Variants in CERS6 observed in about 807,000 individuals in gnomAD.
The protein encoded by CERS6 is LAG1 homolog, ceramide synthase 6.
Under a neutral mutation model 56.8 loss-of-function variants are expected in CERS6, and 26 were observed. That is an observed-to-expected ratio of 0.46 (90% CI 0.34 to 0.63). CERS6 has a LOEUF of 0.63. CERS6 is among the 30% of genes least tolerant of loss of function. The probability of loss-of-function intolerance (pLI) is 0.01; values close to 1 mark genes in which losing one functional copy is unlikely to be tolerated. For missense variants in CERS6, 415 were observed against 467.5 expected (o/e 0.89, Z 1.04); for synonymous variants, 164 against 173.3 (o/e 0.95, Z 0.42).
In CERS6 at chr2:168,545,756, G is replaced by A. The variant is rs1414667490; in HGVS notation, c.171-1840G>A. ...GGCATTGTCACAGGGCATACAAAGA[G>A]GAAATGATCAGCTTCTGCATTGAGA... On this transcript the variant is annotated intron_variant, in intron 1 of 9. Coordinates refer to ENST00000305747, the MANE Select transcript of CERS6 (RefSeq NM_203463.3). Among the ~76,000 whole-genome samples, 3 of 152,184 alleles carry A rather than the reference G, an allele frequency of 2.0e-5. No individual in the cohort carries two copies. The East Asian group carries it at 5.8e-4, about 29-fold the overall frequency.
At chr2:168,743,521 G>A (rs1460681565) in intron 8 of CERS6, among the ~76,000 whole-genome samples, 1 of 148,208 alleles carries the variant, frequency 6.7e-6, no homozygotes, top group Non-Finnish European at 1.5e-5. Context: ...TGTAGTCCCA[G>A]CTACTTGGGA....
At chr2:168,715,188 C>T (rs1687197857) in intron 7 of CERS6, 59 bp downstream of exon 7, 15 of 1,476,896 alleles carry the variant, frequency 1.0e-5, no homozygotes, top group Non-Finnish European at 1.3e-5. Flanking sequence ...AGTCCCCAAT[C>T]TCATTAGCTC....
intron 2 of CERS6, among the ~76,000 whole-genome samples, chr2:168,549,192 G>GT (rs1476375764): frequency 6.6e-6 from 1 of 151,010 alleles, no homozygotes; most frequent in Non-Finnish European, 1.5e-5. Flanking sequence ...TTTTAATTTT[G>GT]TTTTTTGTTT....
intron 4 of CERS6, among the ~76,000 whole-genome samples, chr2:168,668,031 A>G: frequency 6.6e-6 from 1 of 152,190 alleles, no homozygotes; most frequent in Non-Finnish European, 1.5e-5. Flanking sequence ...GGCAGATCGT[A>G]AGTTGTAAAT....
chr2:168,754,421 T>G (rs1405127447), intron 8 of CERS6, among the ~76,000 whole-genome samples: 1 of 152,212 alleles, frequency 6.6e-6, no homozygotes, highest in African/African-American at 2.4e-5. Context: ...ATACATTGCT[T>G]TAGGAAAACT....
chr2:168,659,358 C>T lies in CERS6; in HGVS notation c.465+28316C>T, dbSNP rs1042976537. On this transcript the variant is annotated intron_variant, in intron 4 of 9. Coordinates refer to ENST00000305747, the MANE Select transcript of CERS6 (RefSeq NM_203463.3). ...CCTTTTCTCTCCCTCACACGATTTC[C>T]TACCCCTAGATTTTTCTCTCTAGAA... Among the ~76,000 whole-genome samples, 48 of 152,290 alleles carry T rather than the reference C, an allele frequency of 3.2e-4. 1 individual carries two copies. Among genetic ancestry groups the T allele is most frequent in the African/African-American group, 1.1e-3 (44 of 41,556 alleles).
chr2:168,457,433 C>T (rs1324196617), intron 1 of CERS6, among the ~76,000 whole-genome samples: 18 of 152,164 alleles, frequency 1.2e-4, no homozygotes, highest in Admixed American at 1.2e-3. Flanking sequence ...CATTGTGTCA[C>T]ATACAAACTT....
At chr2:168,634,180 A>T (rs1287557995) in intron 4 of CERS6, among the ~76,000 whole-genome samples, 1 of 152,240 alleles carries the variant, frequency 6.6e-6, no homozygotes, top group African/African-American at 2.4e-5. Context: ...GGAAATATTT[A>T]AGCAGTTGAA....
chr2:168,515,325 G>A lies in CERS6; in HGVS notation c.171-32271G>A, dbSNP rs13401665. ...AAATTAATCCCCTATGTCCAAGCCC[G>A]GCATGTAAATTAAGAAAGTAACTTT... On this transcript the variant is annotated intron_variant, in intron 1 of 9. Transcript: ENST00000305747. 4.8e-3 allele frequency among the ~76,000 whole-genome samples: 734 copies of A among 152,016 alleles called. 2 individuals carry two copies. Among genetic ancestry groups the A allele is most frequent in the African/African-American group, 0.016 (656 of 41,442 alleles).
intron 3 of CERS6, among the ~76,000 whole-genome samples, chr2:168,574,566 G>T (rs1415070174): frequency 6.6e-6 from 1 of 152,024 alleles, no homozygotes; most frequent in Non-Finnish European, 1.5e-5. Context: ...ATAAAACAAG[G>T]CGATAACCTT....
At chr2:168,559,700 CCTTGAGCTG>C (rs1383294421) in intron 2 of CERS6, among the ~76,000 whole-genome samples, 4 of 86,002 alleles carry the variant, frequency 4.7e-5, no homozygotes, top group East Asian at 3.3e-4. Context: ...AGCACTGACC[CCTTGAGCTG>C]CTTGAGCTGC....
At chr2:168,732,065 GTCTC>G (rs1221521574) in intron 8 of CERS6, among the ~76,000 whole-genome samples, 1 of 152,162 alleles carries the variant, frequency 6.6e-6, no homozygotes, top group African/African-American at 2.4e-5. Flanking sequence ...GAGCTTGAAT[GTCTC>G]TCTAAGTAAT....
intron 3 of CERS6, among the ~76,000 whole-genome samples, chr2:168,570,271 G>C (rs1559002326): frequency 6.6e-6 from 1 of 152,196 alleles, no homozygotes; most frequent in Non-Finnish European, 1.5e-5. Flanking sequence ...CGCGAGTTCA[G>C]AGCCTCAGCA....
chr2:168,631,144 A>G (rs907519233), intron 4 of CERS6, 102 bp downstream of exon 4: 2 of 546,124 alleles, frequency 3.7e-6, no homozygotes, highest in Non-Finnish European at 3.2e-6. Context: ...TTAGGTAATC[A>G]TATCAGGCTT....
intron 1 of CERS6, among the ~76,000 whole-genome samples, chr2:168,461,799 T>C (rs1693785043): frequency 6.6e-6 from 1 of 152,218 alleles, no homozygotes; most frequent in African/African-American, 2.4e-5. Context: ...CTGAGTTCAC[T>C]TATGACTTCT....
chr2:168,589,532 C>CT (rs1292188464), intron 3 of CERS6, among the ~76,000 whole-genome samples: 5 of 152,174 alleles, frequency 3.3e-5, no homozygotes, highest in African/African-American at 1.2e-4. Flanking sequence ...AGCAAGTGAG[C>CT]TTTTTTACCC....
intron 1 of CERS6, among the ~76,000 whole-genome samples, chr2:168,481,913 T>C (rs1158402297): frequency 6.6e-6 from 1 of 152,260 alleles, no homozygotes; most frequent in Admixed American, 6.5e-5. Flanking sequence ...TATTTCCCTT[T>C]AGAAAACAGC....
chr2:168,487,190 G>A (rs1243383916), intron 1 of CERS6, among the ~76,000 whole-genome samples: 1 of 152,154 alleles, frequency 6.6e-6, no homozygotes, highest in Admixed American at 6.5e-5. Flanking sequence ...ACTGCAGGGT[G>A]CAGTTCTTTT....
intron 1 of CERS6, among the ~76,000 whole-genome samples, chr2:168,536,111 G>T (rs1695258918): frequency 6.6e-6 from 1 of 152,142 alleles, no homozygotes; most frequent in South Asian, 2.1e-4. Context: ...AAATTCAAGT[G>T]GCAGAGATAA....
Sources: allele counts gnomAD v4.1 joint callset (sites outside exome capture counted in the v4.1 genomes callset), GRCh38; gene constraint gnomAD v4.1.1; transcripts MANE v1.5; gene names NCBI Gene and HGNC (gene_info 2026-07-23, HGNC 2026-07-21).